Variants in CTNNA2 observed in about 807,000 individuals in gnomAD.
CTNNA2 encodes the protein catenin alpha-2.
A neutral mutation model predicts 101.0 loss-of-function variants in CTNNA2; 42 were observed. The ratio of observed to expected loss-of-function variants is 0.42; its 90% CI spans 0.32 to 0.54. CTNNA2 has a LOEUF of 0.54. Among genes scored for constraint, CTNNA2 ranks in the 20% least tolerant of loss-of-function variants. The probability of loss-of-function intolerance (pLI) is 0.14; values close to 1 mark genes in which losing one functional copy is unlikely to be tolerated. For synonymous variants in CTNNA2, 450 were observed against 456.4 expected (o/e 0.99, Z 0.18); for missense variants, 871 against 1,223.1 (o/e 0.71, Z 4.29).
At chr2:80,578,306 G>A (rs935711919) in intron 13 of CTNNA2, among the ~76,000 whole-genome samples, 1 of 152,122 alleles carries the variant, frequency 6.6e-6, no homozygotes, top group African/African-American at 2.4e-5. Context: ...CCTTCCCAAA[G>A]AGCACATAGA....
intron 7 of CTNNA2, among the ~76,000 whole-genome samples, chr2:79,914,166 C>CAAA (rs55675912): frequency 1.3e-3 from 115 of 90,470 alleles, no homozygotes; most frequent in East Asian, 3.0e-3. Flanking sequence ...GACTCCGTCT[C>CAAA]AAAAAAAAAA....
At chr2:80,131,086 C>T (rs1702391358) in intron 7 of CTNNA2, among the ~76,000 whole-genome samples, 1 of 151,968 alleles carries the variant, frequency 6.6e-6, no homozygotes, top group Non-Finnish European at 1.5e-5. Context: ...GAGACAGAGT[C>T]TGTCTCTGTC....
At chr2:80,146,892 A>G (rs1703380611) in intron 7 of CTNNA2, among the ~76,000 whole-genome samples, 1 of 149,772 alleles carries the variant, frequency 6.7e-6, no homozygotes, top group African/African-American at 2.4e-5. Context: ...AACTGGGATT[A>G]CAGGTTTCCA....
chr2:79,740,520 A>G (rs560951416), intron 2 of CTNNA2, among the ~76,000 whole-genome samples: 13 of 152,170 alleles, frequency 8.5e-5, no homozygotes, highest in Non-Finnish European at 1.6e-4. Context: ...TGAATACATC[A>G]GATATTACAG....
In CTNNA2 at chr2:80,601,417, C is replaced by CTTTTTTTTTTTTTTTTTTTTTTTTTTTT. The variant is rs375645223; in HGVS notation, c.2190-2654_2190-2653insTTTTTTTTTTTTTTTTTTTTTTTTTTTT. On this transcript the variant is annotated intron_variant, in intron 15 of 18. Transcript: ENST00000402739. ...GATTTAATGACTTTTTTCTTTCTTT[C>CTTTTTTTTTTTTTTTTTTTTTTTTTTTT]TTTCTTTTTTTTTTTTTTTGATGAG... Among the ~76,000 whole-genome samples, 29 of 94,194 alleles carry CTTTTTTTTTTTTTTTTTTTTTTTTTTTT rather than the reference C, an allele frequency of 3.1e-4. 2 individuals are homozygous for CTTTTTTTTTTTTTTTTTTTTTTTTTTTT. Among genetic ancestry groups the CTTTTTTTTTTTTTTTTTTTTTTTTTTTT allele is most frequent in the African/African-American group, 3.9e-4 (10 of 25,754 alleles). The allele number at this position is 94,194 out of a possible 152,430, so 61.8% of individuals were successfully genotyped here.
At chr2:79,631,052 C>G (rs970698856) in intron 1 of CTNNA2, among the ~76,000 whole-genome samples, 5 of 151,964 alleles carry the variant, frequency 3.3e-5, no homozygotes, top group Non-Finnish European at 7.4e-5. Flanking sequence ...GTTTTATGTG[C>G]CCCCTGGCAG....
chr2:79,908,209 C>T (rs1021330333), intron 6 of CTNNA2, among the ~76,000 whole-genome samples: 21 of 152,236 alleles, frequency 1.4e-4, no homozygotes, highest in Admixed American at 8.5e-4. Context: ...AGTAGGTCTT[C>T]GGCAGGTGCA....
At chr2:80,052,854 GT>G (rs1280193684) in intron 7 of CTNNA2, among the ~76,000 whole-genome samples, 4 of 152,166 alleles carry the variant, frequency 2.6e-5, no homozygotes, top group African/African-American at 4.8e-5. Flanking sequence ...AGCTTCGGAG[GT>G]GTCCTTATAA....
chr2:80,157,939 C>G (rs1335879964), intron 7 of CTNNA2, among the ~76,000 whole-genome samples: 1 of 152,098 alleles, frequency 6.6e-6, no homozygotes, highest in Non-Finnish European at 1.5e-5. Context: ...ATTCCCTTTC[C>G]CATTCATGGA....
rs762403109 is a variant in CTNNA2, at chr2:79,874,244, G to T, written c.754G>T (p.Ala252Ser). ...YVFKQVQEAI[A>S]GISNAAQATS... ...GTTCAAACAAGTCCAGGAGGCCATC[G>T]CCGGCATCTCCAATGCTGCTCAAGC... Residue 252 changes from alanine (A) to serine (S), a missense_variant, in exon 6 of 19, where the codon GCC becomes TCC. By Grantham distance (99) the Ala-to-Ser change is moderately conservative (BLOSUM62 1). This residue lies in a region of CTNNA2 where 647 missense variants were observed against 831.5 expected (regional missense o/e 0.78). Transcript: ENST00000402739. 1 of 1,614,042 alleles carries T rather than the reference G, an allele frequency of 6.2e-7. No homozygotes were observed. Among genetic ancestry groups the T allele is most frequent in the African/African-American group, 1.3e-5 (1 of 74,992 alleles).
intron 9 of CTNNA2, among the ~76,000 whole-genome samples, chr2:80,526,376 T>G (rs1573137346): frequency 6.6e-6 from 1 of 152,298 alleles, no homozygotes; most frequent in Non-Finnish European, 1.5e-5. Flanking sequence ...ATTTTTGTAT[T>G]TTTAGTAGAG....
chr2:80,364,282 G>A (rs568805278), intron 7 of CTNNA2, among the ~76,000 whole-genome samples: 2 of 152,076 alleles, frequency 1.3e-5, no homozygotes, highest in Non-Finnish European at 1.5e-5. Flanking sequence ...TTTTGAAGGC[G>A]TGTTTTTATA....
At chr2:80,217,861 C>A (rs187287878) in intron 7 of CTNNA2, among the ~76,000 whole-genome samples, 2 of 152,130 alleles carry the variant, frequency 1.3e-5, no homozygotes, top group Admixed American at 1.3e-4. Context: ...CAGAGCAGAG[C>A]GCTCCCAGAA....
At chr2:79,664,902 G>T (rs915509334) in intron 2 of CTNNA2, among the ~76,000 whole-genome samples, 1 of 151,756 alleles carries the variant, frequency 6.6e-6, no homozygotes, top group Non-Finnish European at 1.5e-5. Context: ...TAGTAGAAAC[G>T]GGGTTTCACC....
At chr2:79,981,876 C>T (rs1691296830) in intron 7 of CTNNA2, among the ~76,000 whole-genome samples, 2 of 151,778 alleles carry the variant, frequency 1.3e-5, no homozygotes, top group Non-Finnish European at 2.9e-5. Context: ...TGATTTAAAC[C>T]TGGATCCGTA....
intron 4 of CTNNA2, among the ~76,000 whole-genome samples, chr2:79,422,318 C>G (rs1424940384): frequency 2.0e-5 from 3 of 151,892 alleles, no homozygotes; most frequent in Non-Finnish European, 4.4e-5. Flanking sequence ...AGTTTTGCCT[C>G]CCAAAGACAT....
chr2:79,471,230 G>T (rs939341826), intron 4 of CTNNA2, among the ~76,000 whole-genome samples: 1 of 152,108 alleles, frequency 6.6e-6, no homozygotes, highest in Non-Finnish European at 1.5e-5. Flanking sequence ...ATTAGCTGTT[G>T]GAATTTGAAT....
chr2:79,485,742 C>A (rs1372605880), intron 4 of CTNNA2, among the ~76,000 whole-genome samples: 1 of 152,150 alleles, frequency 6.6e-6, no homozygotes, highest in African/African-American at 2.4e-5. Flanking sequence ...CTGATGTAGG[C>A]CTCATTGCTC....
intron 9 of CTNNA2, among the ~76,000 whole-genome samples, chr2:80,457,156 C>A (rs540230001): frequency 6.6e-6 from 1 of 151,884 alleles, no homozygotes; most frequent in Non-Finnish European, 1.5e-5. Context: ...CTCTGCCTCC[C>A]GGGTTCAAGT....
Sources: gnomAD v4.1 joint callset for allele counts (sites outside exome capture counted in the v4.1 genomes callset) on GRCh38, gnomAD v4.1.1 for gene constraint, gnomAD v4.1.1 regional missense constraint, MANE v1.5 for transcripts, NCBI Gene and HGNC (gene_info 2026-07-23, HGNC 2026-07-21) for gene names.